The following XPR1 variants were observed in gnomAD, a reference collection of about 807,000 sequenced individuals.
XPR1 encodes xenotropic and polytropic retrovirus receptor 1, also known as solute carrier family 53 member 1.
In XPR1, 28 loss-of-function variants were observed where a neutral mutation model predicts 87.5. The observed-to-expected ratio is 0.32, with a 90% CI of 0.24 to 0.44. The LOEUF is 0.44. Ranked by LOEUF, XPR1 falls within the 20% of genes least tolerant of loss-of-function variation. XPR1 has a pLI of 1.00. For synonymous variants in XPR1, 300 were observed against 306.1 expected (o/e 0.98, Z 0.21); for missense variants, 559 against 862.3 (o/e 0.65, Z 4.41).
rs1310852368 is a variant in XPR1 at position 180,632,091 on chromosome 1, A to AAGCGC, written c.-105_-101dup. ...CCTCGGCGGCGGCGGAGGAGGAGAG[A>AAGCGC]AGCGCAGCGCCGCGCCGCGCCGGGG... is the stretch of plus-strand genomic sequence containing the variant. On this transcript the variant is annotated 5_prime_UTR_variant, in exon 1 of 15. Transcript: ENST00000367590. 1.3e-5 allele frequency: 17 copies of AAGCGC among 1,318,242 alleles called. No homozygotes were observed. The South Asian group carries it at 2.0e-4, about 16-fold the overall frequency. 81.7% of individuals were successfully genotyped at this position (1,318,242 alleles called of 1,614,324 possible).
At chr1:180,792,776 T>C (rs1424511608) in intron 3 of XPR1, among the ~76,000 whole-genome samples, 1 of 152,112 alleles carries the variant, frequency 6.6e-6, no homozygotes, top group Admixed American at 6.6e-5. Context: ...AACCTTTTTT[T>C]TTGTGGTGAT....
At chr1:180,765,283 T>C (rs1316010217) in intron 2 of XPR1, among the ~76,000 whole-genome samples, 2 of 152,208 alleles carry the variant, frequency 1.3e-5, no homozygotes, top group African/African-American at 2.4e-5. Context: ...CAGTATAGTC[T>C]GCCAAATTCC....
At position 180,632,164 on chromosome 1, in the gene XPR1, C is replaced by G; in HGVS notation, c.-38C>G. 6.3e-7 allele frequency: 1 copy of G among 1,588,438 alleles called. No individual in the cohort carries two copies. The highest frequency in any genetic ancestry group is 8.6e-7 in the Non-Finnish European group (1 of 1,168,036). On this transcript the variant is annotated 5_prime_UTR_variant, in exon 1 of 15. Transcript: ENST00000367590. ...TCGCTGTTGCCGCCGCCGCCTGTAG[C>G]TGCTGGACCCGAGTGGGAGTGAGGG...
At chr1:180,775,757 A>G (rs1648691535) in intron 2 of XPR1, among the ~76,000 whole-genome samples, 1 of 152,198 alleles carries the variant, frequency 6.6e-6, no homozygotes, top group Non-Finnish European at 1.5e-5. Flanking sequence ...TGTCATCTGT[A>G]TACAAAGTAG....
chr1:180,660,879 G>T (rs1655748697), intron 1 of XPR1, among the ~76,000 whole-genome samples: 1 of 152,206 alleles, frequency 6.6e-6, no homozygotes, highest in Admixed American at 6.5e-5. Context: ...CTGTAGTGCA[G>T]ATTAAGTCTG....
intron 1 of XPR1, among the ~76,000 whole-genome samples, chr1:180,649,251 C>G (rs1655215407): frequency 1.3e-5 from 2 of 151,496 alleles, no homozygotes; most frequent in African/African-American, 4.9e-5. Context: ...CACTGAAACC[C>G]CATCTCTACT....
At chr1:180,772,881 T>C (rs976797388) in intron 2 of XPR1, among the ~76,000 whole-genome samples, 7 of 152,208 alleles carry the variant, frequency 4.6e-5, no homozygotes, top group African/African-American at 1.4e-4. Flanking sequence ...GAAAACTGAC[T>C]AATACATACA....
At chr1:180,727,054 T>G (rs1242747884) in intron 2 of XPR1, among the ~76,000 whole-genome samples, 13 of 151,982 alleles carry the variant, frequency 8.6e-5, no homozygotes, top group Admixed American at 8.5e-4. Flanking sequence ...TTTTTGTGTT[T>G]TTAGTAGAGA....
intron 2 of XPR1, among the ~76,000 whole-genome samples, chr1:180,699,110 C>A (rs1421188789): frequency 6.6e-6 from 1 of 151,686 alleles, no homozygotes; most frequent in Non-Finnish European, 1.5e-5. Flanking sequence ...ATATCTTTAC[C>A]CATCATTTCA....
At chr1:180,656,019 C>A (rs1027719671) in intron 1 of XPR1, among the ~76,000 whole-genome samples, 22 of 151,864 alleles carry the variant, frequency 1.4e-4, no homozygotes, top group African/African-American at 4.8e-4. Flanking sequence ...TGACTATAGT[C>A]AACCTGTTGT....
intron 11 of XPR1, among the ~76,000 whole-genome samples, chr1:180,837,762 C>G (rs1651351354): frequency 6.6e-6 from 1 of 152,058 alleles, no homozygotes; most frequent in African/African-American, 2.4e-5. Flanking sequence ...CCAAAGTTCC[C>G]ATAATTTTAA....
intron 2 of XPR1, among the ~76,000 whole-genome samples, chr1:180,775,769 A>AT (rs1371251569): frequency 6.6e-6 from 1 of 152,196 alleles, no homozygotes; most frequent in African/African-American, 2.4e-5. Context: ...ACAAAGTAGT[A>AT]TTTTGTCATA....
intron 1 of XPR1, among the ~76,000 whole-genome samples, chr1:180,638,141 A>G (rs1343181422): frequency 6.6e-6 from 1 of 152,160 alleles, no homozygotes; most frequent in African/African-American, 2.4e-5. Flanking sequence ...AAGCATTGTT[A>G]TTGATAATTT....
At chr1:180,883,018 A>G (rs1652892779) in intron 14 of XPR1, among the ~76,000 whole-genome samples, 2 of 150,284 alleles carry the variant, frequency 1.3e-5, no homozygotes, top group African/African-American at 4.9e-5. Flanking sequence ...GCTGGAGTGC[A>G]GTGGTGTGAT....
chr1:180,642,960 GA>G (rs1655005213), intron 1 of XPR1, among the ~76,000 whole-genome samples: 1 of 152,120 alleles, frequency 6.6e-6, no homozygotes, highest in Admixed American at 6.5e-5. Context: ...AAGATGAGTG[GA>G]AGTATCCAAA....
In XPR1 at chr1:180,820,501, A is replaced by T. The variant is rs188020430; in HGVS notation, c.764-4252A>T. ...TAATATTCCATTTTGTGTATGTATCACAATTTGTTTATCCATTCATTCATT... is the reference window on the plus strand; with the variant it reads ...TAATATTCCATTTTGTGTATGTATCTCAATTTGTTTATCCATTCATTCATT... On this transcript the variant is annotated intron_variant, in intron 7 of 14. Coordinates refer to ENST00000367590, the MANE Select transcript of XPR1 (RefSeq NM_004736.4). 5.4e-4 allele frequency among the ~76,000 whole-genome samples: 82 copies of T among 152,286 alleles called. No homozygotes were observed. In the East Asian group the frequency reaches 0.013, roughly 24 times the overall value.
At chr1:180,863,965 A>G in intron 12 of XPR1, 91 bp downstream of exon 12, 1 of 1,003,540 alleles carries the variant, frequency 1.0e-6, no homozygotes, top group Non-Finnish European at 1.3e-6. Context: ...CTCTAATTAT[A>G]TTACTCTAAT....
At position 180,778,462 on chromosome 1, in the gene XPR1, C is replaced by A. The variant is rs567113953; in HGVS notation, c.122-9291C>A. Among the ~76,000 whole-genome samples the A allele has an allele frequency of 3.9e-5, 6 of 152,262 alleles. No individual in the cohort carries two copies. The South Asian group carries it at 1.2e-3, about 32-fold the overall frequency. The stretch of plus-strand genomic sequence containing the variant: ...TAGTAAAGCTCCTTTTGCCTTAAAG[C>A]AGAGTTTCTCAGCCTTGATACTGTT... On this transcript the variant is annotated intron_variant, in intron 2 of 14. Coordinates refer to ENST00000367590, the MANE Select transcript of XPR1 (RefSeq NM_004736.4).
At chr1:180,645,850 G>A (rs905748443) in intron 1 of XPR1, among the ~76,000 whole-genome samples, 2 of 152,136 alleles carry the variant, frequency 1.3e-5, no homozygotes, top group African/African-American at 4.8e-5. Flanking sequence ...TCTTTGACCC[G>A]AGCAGTGAAA....
Sources: allele counts gnomAD v4.1 joint callset (sites outside exome capture counted in the v4.1 genomes callset), GRCh38; gene constraint gnomAD v4.1.1; transcripts MANE v1.5; gene names NCBI Gene and HGNC (gene_info 2026-07-23, HGNC 2026-07-21).